Variants in PRIMA1 observed in about 807,000 individuals in gnomAD.
PRIMA1 encodes the protein proline rich membrane anchor 1.
PRIMA1 carries 7 observed loss-of-function variants against 17.5 expected under a neutral mutation model. That is an observed-to-expected ratio of 0.40 (90% CI 0.23 to 0.75). The LOEUF is 0.75. PRIMA1 is among the 30% of genes least tolerant of loss of function. The probability of loss-of-function intolerance (pLI) is 0.37; values close to 1 mark genes in which losing one functional copy is unlikely to be tolerated. For missense variants in PRIMA1, 200 were observed against 201.8 expected (o/e 0.99, Z 0.05); for synonymous variants, 97 against 77.9 (o/e 1.25, Z -1.29).
intron 2 of PRIMA1, among the ~76,000 whole-genome samples, chr14:93,783,926 C>A (rs1885452295): frequency 6.6e-6 from 1 of 152,030 alleles, no homozygotes; most frequent in Non-Finnish European, 1.5e-5. Flanking sequence ...CAGTGTCCTA[C>A]CACCGTCCTA....
rs72692994 is a variant in PRIMA1 at position 93,726,304 on chromosome 14, C to T, written c.360-4758G>A. 0.058 allele frequency among the ~76,000 whole-genome samples: 8,880 copies of T among 152,244 alleles called. 336 individuals carry two copies. The highest frequency in any genetic ancestry group is 0.14 in the South Asian group (652 of 4,818). On this transcript the variant is annotated intron_variant, in intron 4 of 4. Coordinates refer to ENST00000393140, the MANE Select transcript of PRIMA1 (RefSeq NM_178013.4). This position sits in a 1 kb window ranked among gnomAD's most constrained non-coding sequence, Gnocchi z 4.2. ...TGCTGATCATGATGTGACAGCCTCC[C>T]GCTCAGCCTGCTGCTCTGTGGGGAT... is the stretch of plus-strand genomic sequence containing the variant.
chr14:93,723,448 G>A lies in PRIMA1; in HGVS notation c.360-1902C>T, dbSNP rs1012278145. Reference sequence around the variant, plus strand: ...AGTTCAGAGGAGGCAGGGTCTGTGAGGGGATCATTAGCAGTTCATGGGAAG... The same window carrying A: ...AGTTCAGAGGAGGCAGGGTCTGTGAAGGGATCATTAGCAGTTCATGGGAAG... On this transcript the variant is annotated intron_variant, in intron 4 of 4. Transcript: ENST00000393140. Among the ~76,000 whole-genome samples, 21 of 152,292 alleles carry A rather than the reference G, an allele frequency of 1.4e-4. No individual in the cohort carries two copies. The East Asian group carries it at 3.5e-3, about 25-fold the overall frequency.
chr14:93,735,586 A>G (rs2076144635), intron 4 of PRIMA1, among the ~76,000 whole-genome samples: 1 of 152,066 alleles, frequency 6.6e-6, no homozygotes, highest in Non-Finnish European at 1.5e-5. Flanking sequence ...ACCTCTTTGT[A>G]TGCCCACCAA....
chr14:93,739,845 C>T (rs192180734), intron 3 of PRIMA1, among the ~76,000 whole-genome samples: 14 of 152,246 alleles, frequency 9.2e-5, no homozygotes, highest in Admixed American at 6.5e-4. Flanking sequence ...GAAGGTGGAT[C>T]ACCTGAGGTC....
chr14:93,759,267 T>C (rs2076311224), intron 3 of PRIMA1, among the ~76,000 whole-genome samples: 1 of 152,140 alleles, frequency 6.6e-6, no homozygotes, highest in Non-Finnish European at 1.5e-5. Flanking sequence ...TGCAGTTGCA[T>C]GACATTTCTC....
At position 93,719,353 on chromosome 14, in the gene PRIMA1, A is replaced by G. The variant is rs976813946; in HGVS notation, c.*2091T>C. On this transcript the variant is annotated 3_prime_UTR_variant, in exon 5 of 5. Coordinates refer to ENST00000393140, the MANE Select transcript of PRIMA1 (RefSeq NM_178013.4). ...AGGTAGGGAATGATGGGACCAGGCG[A>G]GTGTGCGCAAAGCTGGGCTGTGCCC... is the stretch of plus-strand genomic sequence containing the variant. 3 of 152,202 alleles carry G rather than the reference A, an allele frequency of 2.0e-5. No homozygotes were observed. Among genetic ancestry groups the G allele is most frequent in the African/African-American group, 7.2e-5 (3 of 41,450 alleles). 9.4% of individuals were successfully genotyped at this position (152,202 alleles called of 1,614,324 possible). A position where few individuals can be genotyped will look rare whatever the true frequency, so the allele number is the denominator to read the frequency against.
chr14:93,763,610 G>A (rs143498726), intron 3 of PRIMA1, among the ~76,000 whole-genome samples: 7 of 152,350 alleles, frequency 4.6e-5, no homozygotes, highest in African/African-American at 1.7e-4. Flanking sequence ...GCCTAGAGGA[G>A]GGTTGAGGGA....
At chr14:93,745,384 C>T (rs981446270) in intron 3 of PRIMA1, among the ~76,000 whole-genome samples, 5 of 152,202 alleles carry the variant, frequency 3.3e-5, no homozygotes, top group African/African-American at 7.2e-5. Context: ...GTCAGAGCCC[C>T]GGGTCCCACC....
At chr14:93,754,278 A>G (rs934045497) in intron 3 of PRIMA1, among the ~76,000 whole-genome samples, 1 of 152,070 alleles carries the variant, frequency 6.6e-6, no homozygotes, top group Non-Finnish European at 1.5e-5. Context: ...CACAATCCCA[A>G]TTGTGGAGTT....
chr14:93,743,539 G>A (rs2076197028), intron 3 of PRIMA1, among the ~76,000 whole-genome samples: 1 of 152,236 alleles, frequency 6.6e-6, no homozygotes, highest in Non-Finnish European at 1.5e-5. Flanking sequence ...CACTTGTCTA[G>A]GACCCCCCTG....
intron 3 of PRIMA1, among the ~76,000 whole-genome samples, chr14:93,774,315 C>A (rs1262419600): frequency 6.6e-6 from 1 of 152,096 alleles, no homozygotes; most frequent in Non-Finnish European, 1.5e-5. Flanking sequence ...CCAGGACAAG[C>A]GGGTCACCCT....
rs1230300347 is a variant in PRIMA1 at position 93,719,662 on chromosome 14, C to T, written c.*1782G>A. The T allele has an allele frequency of 1.3e-5, 2 of 152,766 alleles. No homozygotes were observed. Among genetic ancestry groups the T allele is most frequent in the African/African-American group, 4.8e-5 (2 of 41,446 alleles). The allele number at this position is 152,766 out of a possible 1,614,324, so 9.5% of individuals were successfully genotyped here. ...TTCCCCCTTTAACCTGCTGCTGGCC[C>T]ACACCCTCTGGCCTATTTGTCAGCT... is the stretch of plus-strand genomic sequence containing the variant. On this transcript the variant is annotated 3_prime_UTR_variant, in exon 5 of 5. Transcript: ENST00000393140.
At chr14:93,773,664 T>G (rs1044471058) in intron 3 of PRIMA1, among the ~76,000 whole-genome samples, 1 of 152,204 alleles carries the variant, frequency 6.6e-6, no homozygotes, top group Non-Finnish European at 1.5e-5. Context: ...CCTTTCCTGC[T>G]CTTTCTCCAG....
chr14:93,772,826 T>C (rs1885108298), intron 3 of PRIMA1, among the ~76,000 whole-genome samples: 1 of 152,216 alleles, frequency 6.6e-6, no homozygotes, highest in South Asian at 2.1e-4. Context: ...CTGATGCTCC[T>C]ATCTCAGCAG....
At position 93,720,572 on chromosome 14, in the gene PRIMA1, T is replaced by C. The variant is rs1251613343; in HGVS notation, c.*872A>G. ...TGGTACAGCAGGCCCACAGTGGATT[T>C]GGCACAAGTAGTGGCCTCTGCTGAC... On this transcript the variant is annotated 3_prime_UTR_variant, in exon 5 of 5. Transcript: ENST00000393140. The C allele has an allele frequency of 6.5e-6, 1 of 152,956 alleles. No homozygotes were observed. Among genetic ancestry groups the C allele is most frequent in the African/African-American group, 2.4e-5 (1 of 41,444 alleles). 9.5% of individuals were successfully genotyped at this position (152,956 alleles called of 1,614,324 possible).
intron 2 of PRIMA1, among the ~76,000 whole-genome samples, chr14:93,785,782 T>G (rs1885506003): frequency 6.6e-6 from 1 of 152,194 alleles, no homozygotes. Flanking sequence ...TTACCCATTC[T>G]ACTTGTCTGG....
intron 3 of PRIMA1, among the ~76,000 whole-genome samples, chr14:93,773,871 A>G (rs1019658785): frequency 2.0e-5 from 3 of 152,332 alleles, no homozygotes; most frequent in African/African-American, 7.2e-5. Flanking sequence ...AGGTGGGCAG[A>G]TCACCTGAGG....
In PRIMA1 at chr14:93,742,861, A is replaced by G. The variant is rs149855596; in HGVS notation, c.230-5491T>C. 3.1e-3 allele frequency among the ~76,000 whole-genome samples: 479 copies of G among 152,294 alleles called. 5 individuals are homozygous for G. Among genetic ancestry groups the G allele is most frequent in the African/African-American group, 0.011 (459 of 41,552 alleles). ...TCAGAAGTGGAGAAACAGGCCACAC[A>G]GCCAGGGGCCTTGCGACGGTACTCA... On this transcript the variant is annotated intron_variant, in intron 3 of 4. Coordinates refer to ENST00000393140, the MANE Select transcript of PRIMA1 (RefSeq NM_178013.4).
At position 93,730,165 on chromosome 14, in the gene PRIMA1, C is replaced by T. The variant is rs990866546; in HGVS notation, c.359+7076G>A. On this transcript the variant is annotated intron_variant, in intron 4 of 4. Coordinates refer to ENST00000393140, the MANE Select transcript of PRIMA1 (RefSeq NM_178013.4). The stretch of plus-strand genomic sequence containing the variant: ...TGACCAGTTTCTATGTGCCAGGCAT[C>T]GTGCCAGGCACCGTCGGGAGAGAGA... Among the ~76,000 whole-genome samples the T allele has an allele frequency of 7.9e-5, 12 of 152,180 alleles. No individual in the cohort carries two copies. In the East Asian group the frequency reaches 1.7e-3, roughly 22 times the overall value.
Sources: gnomAD v4.1 joint callset for allele counts (sites outside exome capture counted in the v4.1 genomes callset) on GRCh38, gnomAD v4.1.1 for gene constraint, Gnocchi (gnomAD v3.1) non-coding constraint, MANE v1.5 for transcripts, NCBI Gene and HGNC (gene_info 2026-07-23, HGNC 2026-07-21) for gene names.